The following XPA variants were observed in gnomAD, a reference collection of about 807,000 sequenced individuals.
XPA encodes the protein XPA, DNA damage recognition and repair factor.
A neutral mutation model predicts 35.7 loss-of-function variants in XPA; 27 were observed. The observed-to-expected ratio is 0.76, with a 90% CI of 0.56 to 1.04. The LOEUF (loss-of-function observed/expected upper bound fraction) is 1.04, where lower values mean the gene tolerates loss of function less well. Ranked by LOEUF, XPA falls within the 50% of genes least tolerant of loss-of-function variation. The pLI is 0.00. For synonymous variants in XPA, 133 were observed against 118.4 expected (o/e 1.12, Z -0.80); for missense variants, 354 against 342.7 (o/e 1.03, Z -0.26).
chr9:97,670,964 CTT>C (rs888658855), downstream of XPA: 1 of 564,940 alleles, frequency 1.8e-6, no homozygotes, highest in South Asian at 2.9e-5. Context: ...CCTATCAGCA[CTT>C]TTTTTTCCCC....
At chr9:97,661,185 T>TCAGAA in the XPA span, 1 of 1,292,400 alleles carries the variant, frequency 7.7e-7, no homozygotes, top group South Asian at 1.5e-5. Flanking sequence ...TTTGACCTGT[T>TCAGAA]CAGACTGTTG....
chr9:97,665,876 G>A, the XPA span, among the ~76,000 whole-genome samples: 2 of 151,368 alleles, frequency 1.3e-5, no homozygotes, highest in African/African-American at 2.4e-5. Flanking sequence ...ACACATATTT[G>A]TGTTGTATGT....
At chr9:97,690,468 A>G (rs575243262) in intron 2 of XPA, among the ~76,000 whole-genome samples, 61 of 152,218 alleles carry the variant, frequency 4.0e-4, no homozygotes, top group African/African-American at 1.4e-3. Flanking sequence ...GCTCACTGCA[A>G]CCTTCACCTC....
chr9:97,655,882 A>G, the XPA span: 7 of 1,327,388 alleles, frequency 5.3e-6, no homozygotes, highest in African/African-American at 7.4e-5. Flanking sequence ...GTTAAGTACA[A>G]ATAGTTACAA....
chr9:97,682,358 T>TGG (rs762164993), intron 5 of XPA: 27 of 518,826 alleles, frequency 5.2e-5, no homozygotes, highest in Non-Finnish European at 8.5e-5. Flanking sequence ...AGTAAGCTCC[T>TGG]TGTGTCTAAT....
chr9:97,670,048 A>AG, downstream of XPA: 2 of 360,826 alleles, frequency 5.5e-6, no homozygotes, highest in Non-Finnish European at 1.1e-5. Context: ...TCAGCCTCCC[A>AG]TATTGCTGGG....
At chr9:97,690,274 G>T (rs1468313087) in intron 2 of XPA, among the ~76,000 whole-genome samples, 1 of 152,158 alleles carries the variant, frequency 6.6e-6, no homozygotes, top group African/African-American at 2.4e-5. Context: ...GCAGTGGCAC[G>T]ATCTCAGCTC....
chr9:97,685,537 A>T (rs1420891016), intron 4 of XPA, among the ~76,000 whole-genome samples: 1 of 152,196 alleles, frequency 6.6e-6, no homozygotes, highest in Non-Finnish European at 1.5e-5. Context: ...TGGTACCAAG[A>T]TGATGTAAAA....
At chr9:97,667,824 C>T in the XPA span, among the ~76,000 whole-genome samples, 1 of 152,148 alleles carries the variant, frequency 6.6e-6, no homozygotes, top group Admixed American at 6.5e-5. Flanking sequence ...TGGTTGCGGT[C>T]GTAACAGGCT....
intron 1 of XPA, among the ~76,000 whole-genome samples, chr9:97,695,437 T>C (rs1380883270): frequency 2.0e-5 from 3 of 152,146 alleles, no homozygotes; most frequent in Non-Finnish European, 2.9e-5. Context: ...ATTCCATGAG[T>C]ACCAACTGGA....
chr9:97,688,544 C>T (rs1358698864), intron 3 of XPA, among the ~76,000 whole-genome samples: 2 of 152,158 alleles, frequency 1.3e-5, no homozygotes, highest in Non-Finnish European at 2.9e-5. Flanking sequence ...GAGTTGCTTC[C>T]ATTTTCTCTT....
chr9:97,669,554 C>T, the XPA span: 4 of 1,399,938 alleles, frequency 2.9e-6, no homozygotes, highest in East Asian at 9.1e-5. Context: ...GTATAAGATT[C>T]TGTCTGTAGT....
At chr9:97,655,596 ACT>A in the XPA span, 1 of 811,892 alleles carries the variant, frequency 1.2e-6, no homozygotes, top group Non-Finnish European at 1.9e-6. Flanking sequence ...CTTTTCATTA[ACT>A]CTGTAAAGTC....
intron 5 of XPA, among the ~76,000 whole-genome samples, chr9:97,678,603 T>C (rs932670400): frequency 6.6e-6 from 1 of 152,150 alleles, no homozygotes; most frequent in Non-Finnish European, 1.5e-5. Context: ...TGACTGCCAA[T>C]TGCTTAAATG....
intron 5 of XPA, among the ~76,000 whole-genome samples, chr9:97,682,731 G>C (rs1355910172): frequency 6.6e-6 from 1 of 152,110 alleles, no homozygotes; most frequent in African/African-American, 2.4e-5. Context: ...TCGAAAATGA[G>C]GACAATTGAC....
the XPA span, chr9:97,669,646 C>T: frequency 2.2e-5 from 35 of 1,613,270 alleles, no homozygotes; most frequent in Non-Finnish European, 2.9e-5. Context: ...CTGATGGGAC[C>T]AGTGTATTAA....
the XPA span, among the ~76,000 whole-genome samples, chr9:97,662,480 C>T: frequency 6.6e-6 from 1 of 152,158 alleles, no homozygotes; most frequent in Non-Finnish European, 1.5e-5. Context: ...TTAGAATCAG[C>T]TACACTGTTG....
At chr9:97,685,130 ATG>A in intron 4 of XPA, 90 bp from the exon 5 acceptor site, 1 of 984,550 alleles carries the variant, frequency 1.0e-6, no homozygotes, top group Non-Finnish European at 1.6e-6. Flanking sequence ...GTACCAAAGA[ATG>A]ATCTAACTCA....
chr9:97,677,536 A>T (rs1052147146), intron 5 of XPA, among the ~76,000 whole-genome samples: 3 of 151,938 alleles, frequency 2.0e-5, no homozygotes, highest in African/African-American at 7.3e-5. Flanking sequence ...AAATTAAAAA[A>T]ATTTTTTTAA....
Sources: gnomAD v4.1 joint callset for allele counts (sites outside exome capture counted in the v4.1 genomes callset) on GRCh38, gnomAD v4.1.1 for gene constraint, MANE v1.5 for transcripts, NCBI Gene and HGNC (gene_info 2026-07-23, HGNC 2026-07-21) for gene names.